TUBGCP5: variants seen among roughly 807,000 people sequenced by gnomAD.
TUBGCP5 encodes the protein tubulin gamma complex component 5.
In TUBGCP5, 98 loss-of-function variants were observed where a neutral mutation model predicts 134.7. The ratio of observed to expected loss-of-function variants is 0.73; its 90% confidence interval spans 0.62 to 0.86. The LOEUF (loss-of-function observed/expected upper bound fraction) is 0.86, where lower values mean the gene tolerates loss of function less well. TUBGCP5 is among the 40% of genes least tolerant of loss of function. The pLI is 0.00. For missense variants in TUBGCP5, 1,150 were observed against 1,244.8 expected (o/e 0.92, Z 1.15); for synonymous variants, 456 against 431.4 (o/e 1.06, Z -0.71).
intron 13 of TUBGCP5, among the ~76,000 whole-genome samples, chr15:23,016,329 C>T (rs532965289): frequency 6.6e-6 from 1 of 152,148 alleles, no homozygotes; most frequent in South Asian, 2.1e-4. Flanking sequence ...CTCGTCTCTA[C>T]TAAAAACACA....
chr15:23,016,969 G>GAT (rs57631069), intron 13 of TUBGCP5, among the ~76,000 whole-genome samples: 3,207 of 109,306 alleles, frequency 0.029, 264 homozygotes, highest in African/African-American at 0.099. Flanking sequence ...AAAATTGTGA[G>GAT]ATATATATAT....
chr15:23,020,213 C>T (rs1288069732), intron 11 of TUBGCP5, among the ~76,000 whole-genome samples: 1 of 151,980 alleles, frequency 6.6e-6, no homozygotes, highest in East Asian at 1.9e-4. Flanking sequence ...TCGAGACCAG[C>T]CTGGCCAACA....
intron 11 of TUBGCP5, among the ~76,000 whole-genome samples, chr15:23,020,132 G>C (rs1216120558): frequency 6.6e-6 from 1 of 151,646 alleles, no homozygotes; most frequent in African/African-American, 2.4e-5. Context: ...AATACAGCTG[G>C]GTGTGGTGGC....
chr15:23,027,151 T>G, intron 7 of TUBGCP5, 41 bp downstream of exon 7: 4 of 1,437,956 alleles, frequency 2.8e-6, no homozygotes, highest in Non-Finnish European at 3.8e-6. Flanking sequence ...ACATCAAAGT[T>G]TCTTCTATCA....
At chr15:23,025,856 C>T (rs2065955036) in intron 8 of TUBGCP5, among the ~76,000 whole-genome samples, 1 of 151,040 alleles carries the variant, frequency 6.6e-6, no homozygotes, top group Non-Finnish European at 1.5e-5. Flanking sequence ...AAATCAGTAG[C>T]AAATCTTGCT....
chr15:22,985,903 A>T (rs1416889559), intron 23 of TUBGCP5, among the ~76,000 whole-genome samples: 2 of 151,526 alleles, frequency 1.3e-5, no homozygotes, highest in Non-Finnish European at 2.9e-5. Flanking sequence ...GAAGGCCGAG[A>T]TGGGCGGATC....
intron 11 of TUBGCP5, among the ~76,000 whole-genome samples, chr15:23,019,694 G>T (rs2065552997): frequency 6.6e-6 from 1 of 152,018 alleles, no homozygotes; most frequent in African/African-American, 2.4e-5. Flanking sequence ...CTACTTGGGA[G>T]GCTGAGGGAG....
At chr15:23,007,176 C>T (rs1422852560) in intron 16 of TUBGCP5, among the ~76,000 whole-genome samples, 2 of 151,988 alleles carry the variant, frequency 1.3e-5, no homozygotes, top group East Asian at 3.9e-4. Flanking sequence ...TTGGCATCCT[C>T]GAGGATCACG....
chr15:23,016,674 C>CA (rs2065340804), intron 13 of TUBGCP5, among the ~76,000 whole-genome samples: 1 of 151,774 alleles, frequency 6.6e-6, no homozygotes, highest in African/African-American at 2.4e-5. Flanking sequence ...ATCACGAAGA[C>CA]AAAAAATAAA....
intron 1 of TUBGCP5, 151 bp from the exon 2 acceptor site, chr15:23,037,303 G>T: frequency 1.3e-6 from 1 of 741,506 alleles, no homozygotes; most frequent in Non-Finnish European, 2.3e-6. Context: ...TCCACCATCA[G>T]GCAGGCAAAT....
At position 23,027,074 on chromosome 15, in the gene TUBGCP5, G is replaced by A; in HGVS notation, c.737+118C>T. 3.7e-6 allele frequency: 3 copies of A among 800,132 alleles called. No homozygotes were observed. In the South Asian group the frequency reaches 5.4e-5, roughly 14 times the overall value. The allele number at this position is 800,132 out of a possible 1,614,324, so 49.6% of individuals were successfully genotyped here. The stretch of plus-strand genomic sequence containing the variant: ...ATCTGTCTCCAAAAAAAAAAGAATT[G>A]TCAAAACAAAAACAAGTTTAAATTT... On this transcript the variant is annotated intron_variant, in intron 7 of 22. Transcript: ENST00000615383.
chr15:22,988,735 C>A (rs893961354), intron 23 of TUBGCP5, among the ~76,000 whole-genome samples: 33 of 137,876 alleles, frequency 2.4e-4, no homozygotes, highest in East Asian at 4.5e-4. Flanking sequence ...GACTCCGTCT[C>A]AAAAAAAAAA....
At chr15:23,034,869 G>GA (rs35606468) in intron 3 of TUBGCP5, among the ~76,000 whole-genome samples, 20,347 of 151,448 alleles carry the variant, frequency 0.13, 1,792 homozygotes, top group East Asian at 0.46. Flanking sequence ...TTGAAAACAG[G>GA]AACAATAATA....
rs181776543 is a variant in TUBGCP5 at position 23,037,321 on chromosome 15, G to A, written c.147-169C>T. Among the ~76,000 whole-genome samples the A allele has an allele frequency of 9.5e-4, 144 of 152,108 alleles. 1 individual carries two copies. Among genetic ancestry groups the A allele is most frequent in the African/African-American group, 3.2e-3 (134 of 41,484 alleles). ...ACCATCAGGCAGGCAAATAATCACC[G>A]TGTCCGAGACTGTGCAAGCATCCTT... On this transcript the variant is annotated intron_variant, in intron 1 of 22. Coordinates refer to ENST00000615383, the MANE Select transcript of TUBGCP5 (RefSeq NM_052903.6).
At chr15:22,989,405 G>A (rs1441484655) in intron 23 of TUBGCP5, among the ~76,000 whole-genome samples, 1 of 152,196 alleles carries the variant, frequency 6.6e-6, no homozygotes, top group Non-Finnish European at 1.5e-5. Context: ...AACACGAGGT[G>A]TGTGTTTGAT....
intron 6 of TUBGCP5, among the ~76,000 whole-genome samples, chr15:23,029,563 A>G (rs528868323): frequency 6.6e-6 from 1 of 152,228 alleles, no homozygotes; most frequent in South Asian, 2.1e-4. Flanking sequence ...CAAAATGTCT[A>G]TAGAAGAATA....
At chr15:23,035,956 A>G (rs930163951) in intron 3 of TUBGCP5, among the ~76,000 whole-genome samples, 6 of 152,190 alleles carry the variant, frequency 3.9e-5, no homozygotes, top group African/African-American at 1.4e-4. Flanking sequence ...AAGGAACTAT[A>G]AAGAATTGAA....
chr15:23,004,302 A>C lies in TUBGCP5; in HGVS notation c.2713-75T>G, dbSNP rs1006481193. The C allele has an allele frequency of 1.9e-6, 3 of 1,539,768 alleles. No individual in the cohort carries two copies. In the African/African-American group the frequency reaches 4.2e-5, roughly 21 times the overall value. On this transcript the variant is annotated intron_variant, in intron 19 of 22. Transcript: ENST00000615383. ...TGTGTGCTGCACACAAATCTTTTTT[A>C]CTAAGCTCTTCTACTCCTCTCAAAT...
At chr15:23,002,394 A>G (rs1397206718) in intron 21 of TUBGCP5, among the ~76,000 whole-genome samples, 1 of 152,230 alleles carries the variant, frequency 6.6e-6, no homozygotes, top group Non-Finnish European at 1.5e-5. Flanking sequence ...CAGCAGAATT[A>G]CTGTTGCACT....
Sources: gnomAD v4.1 joint callset for allele counts (sites outside exome capture counted in the v4.1 genomes callset) on GRCh38, gnomAD v4.1.1 for gene constraint, MANE v1.5 for transcripts, NCBI Gene and HGNC (gene_info 2026-07-23, HGNC 2026-07-21) for gene names.